The following CACNA1C variants were observed in gnomAD, a reference collection of about 807,000 sequenced individuals.
CACNA1C encodes the protein voltage-dependent L-type calcium channel subunit alpha-1C.
CACNA1C carries 30 observed loss-of-function variants against 229.0 expected under a neutral mutation model. The ratio of observed to expected loss-of-function variants is 0.13; its 90% CI spans 0.10 to 0.18. CACNA1C has a LOEUF of 0.18. Ranked by LOEUF, CACNA1C falls within the 10% of genes least tolerant of loss-of-function variation. CACNA1C has a pLI of 1.00. For missense variants in CACNA1C, 1,658 were observed against 2,845.0 expected (o/e 0.58, Z 9.49); for synonymous variants, 1,114 against 1,132.5 (o/e 0.98, Z 0.33).
intron 5 of CACNA1C, among the ~76,000 whole-genome samples, chr12:2,470,662 C>CT (rs2099586500): frequency 6.6e-6 from 1 of 152,192 alleles, no homozygotes; most frequent in African/African-American, 2.4e-5. Flanking sequence ...CACCTGCCTG[C>CT]TTCCTGGAGT....
chr12:2,064,678 G>A (rs982703878), intron 1 of CACNA1C, among the ~76,000 whole-genome samples: 1 of 152,206 alleles, frequency 6.6e-6, no homozygotes, highest in Non-Finnish European at 1.5e-5. Flanking sequence ...CGAGCAGTGG[G>A]TAGACAGCCA....
At chr12:2,017,634 G>A (rs1442705569) in intron 1 of CACNA1C, among the ~76,000 whole-genome samples, 1 of 150,590 alleles carries the variant, frequency 6.6e-6, no homozygotes, top group Non-Finnish European at 1.5e-5. Context: ...ATGTAAGCAT[G>A]GTTTCAGTCA....
chr12:2,275,842 C>G lies in CACNA1C; in HGVS notation c.477+155412C>G, dbSNP rs920630968. Among the ~76,000 whole-genome samples the G allele has an allele frequency of 1.3e-5, 2 of 150,694 alleles. No individual in the cohort carries two copies. The highest frequency in any genetic ancestry group is 2.5e-5 in the African/African-American group (1 of 40,142). ...AGGCCCCCTCTGTTCTTTGGTGAAGCTTGTCTGCAGCGAGCCCTCAAAAAA... is the reference window on the plus strand; with the variant it reads ...AGGCCCCCTCTGTTCTTTGGTGAAGGTTGTCTGCAGCGAGCCCTCAAAAAA... On this transcript the variant is annotated intron_variant, in intron 3 of 46. Transcript: ENST00000399655. This position sits in a 1 kb window ranked among gnomAD's most constrained non-coding sequence, Gnocchi z 4.1.
chr12:2,507,738 G>A (rs143385227), intron 8 of CACNA1C, among the ~76,000 whole-genome samples: 1 of 152,322 alleles, frequency 6.6e-6, no homozygotes, highest in African/African-American at 2.4e-5. Context: ...TACAGAGAAG[G>A]CAAGTGAAGC....
chr12:2,208,297 TA>T (rs2097815235), intron 3 of CACNA1C, among the ~76,000 whole-genome samples: 2 of 152,204 alleles, frequency 1.3e-5, no homozygotes, highest in South Asian at 4.1e-4. Flanking sequence ...GTAGAAAAGT[TA>T]CAATGTGCTA....
At chr12:2,219,524 T>G (rs1273237607) in intron 3 of CACNA1C, among the ~76,000 whole-genome samples, 1 of 152,170 alleles carries the variant, frequency 6.6e-6, no homozygotes, top group Non-Finnish European at 1.5e-5. Context: ...AACTACAGAA[T>G]GAAGTATTTT....
intron 5 of CACNA1C, among the ~76,000 whole-genome samples, chr12:2,472,708 C>CT (rs962530714): frequency 2.0e-5 from 3 of 152,118 alleles, no homozygotes; most frequent in African/African-American, 7.2e-5. Flanking sequence ...CTATTGACTG[C>CT]TTTTTTCCTT....
At chr12:2,213,293 T>A (rs2154340398) in intron 3 of CACNA1C, among the ~76,000 whole-genome samples, 1 of 152,256 alleles carries the variant, frequency 6.6e-6, no homozygotes, top group Admixed American at 6.5e-5. Context: ...ATTTTTTTAC[T>A]TTGAGCTTTC....
chr12:2,657,546 C>A (rs2095485268), intron 34 of CACNA1C, among the ~76,000 whole-genome samples: 1 of 151,912 alleles, frequency 6.6e-6, no homozygotes, highest in Admixed American at 6.6e-5. Context: ...CTTAGCAATC[C>A]ATCAAAAGGA....
At chr12:2,686,904 AG>A (rs1182039026) in intron 45 of CACNA1C, among the ~76,000 whole-genome samples, 1 of 152,228 alleles carries the variant, frequency 6.6e-6, no homozygotes, top group Non-Finnish European at 1.5e-5. Flanking sequence ...AGGCAAACTG[AG>A]GTCTAAACCT....
chr12:2,486,244 A>C lies in CACNA1C; in HGVS notation c.898A>C (p.Asn300His). Residue 300 changes from asparagine (N) to histidine (H), a missense_variant, in exon 6 of 47, where the codon AAC becomes CAC. Physicochemically the swap from Asn to His is moderately conservative, Grantham distance 68. Transcript: ENST00000399655. The surrounding 1 kb of genome is among the most constrained non-coding windows in gnomAD (Gnocchi z 4.9). ...GGGGAAGATGCACAAGACCTGCTAC[A>C]ACCAGGAGGGCATAGCAGGTAAGAG... Reference protein sequence around the residue: ...FMGKMHKTCYNQEGIADVPAE... With the variant: ...FMGKMHKTCYHQEGIADVPAE... 2 of 1,613,448 alleles carry C rather than the reference A, an allele frequency of 1.2e-6. No homozygotes were observed. Among genetic ancestry groups the C allele is most frequent in the Non-Finnish European group, 1.7e-6 (2 of 1,179,632 alleles).
chr12:2,055,037 T>C (rs1237190308), intron 1 of CACNA1C, among the ~76,000 whole-genome samples: 2 of 152,272 alleles, frequency 1.3e-5, no homozygotes, highest in African/African-American at 4.8e-5. Flanking sequence ...TCTTCTCTGC[T>C]TTCCAGCATG....
chr12:2,448,176 G>A (rs1277478313), intron 3 of CACNA1C, among the ~76,000 whole-genome samples: 2 of 152,172 alleles, frequency 1.3e-5, no homozygotes, highest in African/African-American at 4.8e-5. Flanking sequence ...GGGCTCCCAG[G>A]GATGGGAGCT....
At chr12:2,006,322 C>T (rs943739743) in intron 1 of CACNA1C, among the ~76,000 whole-genome samples, 2 of 152,108 alleles carry the variant, frequency 1.3e-5, no homozygotes, top group Non-Finnish European at 2.9e-5. Context: ...GCAGGAGAAT[C>T]GCTTGAACCC....
chr12:2,534,512 A>G (rs931772347), intron 9 of CACNA1C, among the ~76,000 whole-genome samples: 18 of 152,276 alleles, frequency 1.2e-4, no homozygotes, highest in East Asian at 7.7e-4. Context: ...GTTTCATCCA[A>G]TCAACCCACT....
chr12:2,265,908 T>C (rs1205368377), intron 3 of CACNA1C, among the ~76,000 whole-genome samples: 1 of 152,250 alleles, frequency 6.6e-6, no homozygotes, highest in Non-Finnish European at 1.5e-5. Flanking sequence ...TTTTAAAGGA[T>C]CCTGTGTTAT....
intron 3 of CACNA1C, among the ~76,000 whole-genome samples, chr12:2,294,077 G>A (rs1274251058): frequency 6.6e-6 from 1 of 152,220 alleles, no homozygotes; most frequent in Non-Finnish European, 1.5e-5. Flanking sequence ...GACCAGACAT[G>A]AGGGGTGTTT....
chr12:2,401,673 T>G (rs778241833), intron 3 of CACNA1C, among the ~76,000 whole-genome samples: 1 of 152,264 alleles, frequency 6.6e-6, no homozygotes, highest in Non-Finnish European at 1.5e-5. Flanking sequence ...TCCCTATGCC[T>G]CAGTTTTCCC....
chr12:2,536,066 AG>A (rs1464013526), intron 9 of CACNA1C, among the ~76,000 whole-genome samples: 1 of 152,258 alleles, frequency 6.6e-6, no homozygotes, highest in Non-Finnish European at 1.5e-5. Flanking sequence ...GACCTGTCTG[AG>A]GAAGTCTTGC....
Sources: gnomAD v4.1 joint callset for allele counts (sites outside exome capture counted in the v4.1 genomes callset) on GRCh38, gnomAD v4.1.1 for gene constraint, Gnocchi (gnomAD v3.1) non-coding constraint, MANE v1.5 for transcripts, NCBI Gene and HGNC (gene_info 2026-07-23, HGNC 2026-07-21) for gene names.